The following ARID1B variants were observed in gnomAD, a reference collection of about 807,000 sequenced individuals.
ARID1B encodes the protein AT-rich interaction domain 1B.
In ARID1B, 30 loss-of-function variants were observed where a neutral mutation model predicts 212.3. That is an observed-to-expected ratio of 0.14 (90% CI 0.11 to 0.19). The LOEUF (loss-of-function observed/expected upper bound fraction) is 0.19. ARID1B is among the 10% of genes least tolerant of loss of function. ARID1B has a pLI of 1.00. For synonymous variants in ARID1B, 1,402 were observed against 1,301.7 expected, an observed-to-expected ratio of 1.08 and a Z score of -1.66; for missense variants, 2,891 against 3,204.0, an observed-to-expected ratio of 0.90 and a Z score of 2.36.
intron 1 of ARID1B, among the ~76,000 whole-genome samples, chr6:156,800,245 C>T (rs1325304979): frequency 6.6e-6 from 1 of 152,172 alleles, no homozygotes; most frequent in Non-Finnish European, 1.5e-5. Context: ...TCTGAAATGG[C>T]TCTGTTCAGT....
At chr6:156,991,359 T>G (rs1778266564) in intron 4 of ARID1B, among the ~76,000 whole-genome samples, 1 of 152,158 alleles carries the variant, frequency 6.6e-6, no homozygotes. Flanking sequence ...GCCTCCCAAG[T>G]AGCTGGGATT....
At chr6:156,848,117 A>G (rs1380750057) in intron 2 of ARID1B, among the ~76,000 whole-genome samples, 2 of 152,244 alleles carry the variant, frequency 1.3e-5, no homozygotes, top group African/African-American at 2.4e-5. Flanking sequence ...ATTTTTAACA[A>G]TAAAGAATGA....
intron 2 of ARID1B, among the ~76,000 whole-genome samples, chr6:156,900,783 C>T (rs936458323): frequency 2.0e-5 from 3 of 152,136 alleles, no homozygotes; most frequent in African/African-American, 7.2e-5. Flanking sequence ...CTGGTATTTG[C>T]ACTGTAGTAC....
chr6:157,208,950 C>G lies in ARID1B; in HGVS notation c.*1059C>G. On this transcript the variant is annotated 3_prime_UTR_variant, in exon 20 of 20. Coordinates refer to ENST00000636930, the MANE Select transcript of ARID1B (RefSeq NM_001374828.1). Reference sequence around the variant, plus strand: ...GCTCGATTTCAGGAGAGCAGCTGATCACAATTTGCTTCATGAATCAAGGTG... The same window carrying G: ...GCTCGATTTCAGGAGAGCAGCTGATGACAATTTGCTTCATGAATCAAGGTG... 1 of 229,050 alleles carries G rather than the reference C, an allele frequency of 4.4e-6. No individual in the cohort carries two copies. Among genetic ancestry groups the G allele is most frequent in the Non-Finnish European group, 8.6e-6 (1 of 116,066 alleles). 14.2% of individuals were successfully genotyped at this position (229,050 alleles called of 1,614,324 possible).
At chr6:156,840,330 C>G (rs1264897641) in intron 2 of ARID1B, among the ~76,000 whole-genome samples, 1 of 152,230 alleles carries the variant, frequency 6.6e-6, no homozygotes, top group East Asian at 1.9e-4. Flanking sequence ...TGCCTCCTGC[C>G]CTGTTCTGTT....
At chr6:157,171,067 AAGGAAG>A (rs1439567072) in intron 9 of ARID1B, among the ~76,000 whole-genome samples, 1 of 152,222 alleles carries the variant, frequency 6.6e-6, no homozygotes, top group East Asian at 1.9e-4. Flanking sequence ...AGACTGAGTA[AAGGAAG>A]AGGAAGAAAG....
intron 4 of ARID1B, among the ~76,000 whole-genome samples, chr6:157,064,036 T>C (rs1783520870): frequency 6.6e-6 from 1 of 152,136 alleles, no homozygotes; most frequent in Non-Finnish European, 1.5e-5. Flanking sequence ...AATTGGAAGG[T>C]TTGTGGCATC....
In ARID1B at chr6:156,779,265, C is replaced by CCG; in HGVS notation, c.1587_1588dup (p.Pro530ArgfsTer56). ...CCCCGAGTACAGCAGCCCCAGCGCG[C>CCG]CGCCGCCGCCGCCGTCGCAGCCCCA... On this transcript the variant is annotated frameshift_variant, in exon 1 of 20. Coordinates refer to ENST00000636930, the MANE Select transcript of ARID1B (RefSeq NM_001374828.1). LOFTEE classifies it high-confidence loss of function. The CCG allele has an allele frequency of 8.9e-7, 1 of 1,126,198 alleles. No individual in the cohort carries two copies. The highest frequency in any genetic ancestry group is 1.1e-6 in the Non-Finnish European group (1 of 916,000). 69.8% of individuals were successfully genotyped at this position (1,126,198 alleles called of 1,614,324 possible).
intron 2 of ARID1B, among the ~76,000 whole-genome samples, chr6:156,893,045 C>CTTTTCTTTTTTTTTT (rs1554263985): frequency 3.5e-5 from 3 of 85,922 alleles, no homozygotes; most frequent in African/African-American, 1.4e-4. Flanking sequence ...TTTTTTCTTC[C>CTTTTCTTTTTTTTTT]TTTTTTTTTT....
At chr6:157,121,736 G>A (rs1787736326) in intron 6 of ARID1B, among the ~76,000 whole-genome samples, 1 of 148,950 alleles carries the variant, frequency 6.7e-6, no homozygotes, top group Admixed American at 6.8e-5. Flanking sequence ...GGTTCAAGCA[G>A]TTCTCCTGCC....
At chr6:157,074,015 G>T (rs1784150761) in intron 4 of ARID1B, among the ~76,000 whole-genome samples, 2 of 152,162 alleles carry the variant, frequency 1.3e-5, no homozygotes, top group African/African-American at 4.8e-5. Context: ...ACCAGCAGCT[G>T]TCTGGTTCCA....
intron 5 of ARID1B, among the ~76,000 whole-genome samples, chr6:157,102,195 T>C (rs981661162): frequency 1.3e-5 from 2 of 152,318 alleles, no homozygotes; most frequent in Middle Eastern, 3.4e-3. Flanking sequence ...AAAGGATTAA[T>C]GTGGGAATCC....
intron 7 of ARID1B, among the ~76,000 whole-genome samples, chr6:157,140,386 C>T (rs914819855): frequency 1.3e-5 from 2 of 152,080 alleles, no homozygotes; most frequent in African/African-American, 4.8e-5. Flanking sequence ...AGGAGAATTA[C>T]TTGAACCCGG....
chr6:156,844,730 T>A (rs977562331), intron 2 of ARID1B, among the ~76,000 whole-genome samples: 1 of 152,244 alleles, frequency 6.6e-6, no homozygotes, highest in Non-Finnish European at 1.5e-5. Flanking sequence ...CTCTATCATC[T>A]TTCCATATTA....
intron 7 of ARID1B, among the ~76,000 whole-genome samples, chr6:157,147,964 C>G (rs1257306200): frequency 7.1e-6 from 1 of 140,484 alleles, no homozygotes. Flanking sequence ...CTCCTGCTGC[C>G]GTGTGCCGTG....
chr6:156,969,215 G>C (rs189626867), intron 4 of ARID1B, among the ~76,000 whole-genome samples: 54 of 152,322 alleles, frequency 3.5e-4, no homozygotes, highest in Non-Finnish European at 6.6e-4. Context: ...ATATCTTGCT[G>C]TTTATGTCTC....
At chr6:157,122,836 A>T (rs1018387660) in intron 6 of ARID1B, among the ~76,000 whole-genome samples, 2 of 151,942 alleles carry the variant, frequency 1.3e-5, no homozygotes, top group Non-Finnish European at 2.9e-5. Flanking sequence ...GCACCACCAC[A>T]CCCAGCTAAC....
chr6:157,037,088 A>G (rs1781380481), intron 4 of ARID1B, among the ~76,000 whole-genome samples: 1 of 152,228 alleles, frequency 6.6e-6, no homozygotes, highest in African/African-American at 2.4e-5. Flanking sequence ...GAAAGAAACA[A>G]TACAGGAAAA....
At chr6:157,013,077 C>G (rs1345451594) in intron 4 of ARID1B, among the ~76,000 whole-genome samples, 2 of 152,154 alleles carry the variant, frequency 1.3e-5, no homozygotes, top group African/African-American at 4.8e-5. Context: ...CGGGGTTTCT[C>G]CATGTTGGTC....
Sources: allele counts gnomAD v4.1 joint callset (sites outside exome capture counted in the v4.1 genomes callset), GRCh38; gene constraint gnomAD v4.1.1; transcripts MANE v1.5; gene names NCBI Gene and HGNC (gene_info 2026-07-23, HGNC 2026-07-21).